ADAMTSL1: variants seen among roughly 807,000 people sequenced by gnomAD.
ADAMTSL1 encodes ADAMTS like 1.
A neutral mutation model predicts 201.8 loss-of-function variants in ADAMTSL1; 126 were observed. The ratio of observed to expected loss-of-function variants is 0.62; its 90% confidence interval spans 0.54 to 0.72. ADAMTSL1 has a LOEUF of 0.72. Among genes scored for constraint, ADAMTSL1 ranks in the 30% least tolerant of loss-of-function variants. ADAMTSL1 has a pLI of 0.00. For synonymous variants in ADAMTSL1, 1,121 were observed against 903.4 expected, an observed-to-expected ratio of 1.24 and a Z score of -4.32; for missense variants, 2,679 against 2,277.8, an observed-to-expected ratio of 1.18 and a Z score of -3.59.
chr9:18,023,576 C>T (rs563634916), intron 1 of ADAMTSL1, among the ~76,000 whole-genome samples: 4 of 152,218 alleles, frequency 2.6e-5, no homozygotes, highest in Non-Finnish European at 5.9e-5. Flanking sequence ...CTTACATTCC[C>T]GTGGATGGAG....
At chr9:18,049,499 C>T (rs1821824370) in intron 1 of ADAMTSL1, among the ~76,000 whole-genome samples, 1 of 152,144 alleles carries the variant, frequency 6.6e-6, no homozygotes, top group African/African-American at 2.4e-5. Context: ...GTTACACTGC[C>T]ATCTTATAAC....
intron 4 of ADAMTSL1, among the ~76,000 whole-genome samples, chr9:18,618,656 A>G (rs1049812343): frequency 6.6e-6 from 1 of 151,792 alleles, no homozygotes; most frequent in Non-Finnish European, 1.5e-5. Flanking sequence ...CTGCTCTGCC[A>G]TTCTGAGTAC....
intron 1 of ADAMTSL1, among the ~76,000 whole-genome samples, chr9:18,018,595 C>T (rs905470738): frequency 3.3e-5 from 5 of 151,944 alleles, no homozygotes; most frequent in Admixed American, 1.3e-4. Flanking sequence ...TAGAGATGCC[C>T]GTGTATTAAG....
At chr9:18,404,502 G>T (rs944198180) in intron 2 of ADAMTSL1, among the ~76,000 whole-genome samples, 1 of 152,234 alleles carries the variant, frequency 6.6e-6, no homozygotes, top group South Asian at 2.1e-4. Flanking sequence ...GCTCAAGTCA[G>T]CCTCTGAGGT....
At chr9:18,251,548 A>T (rs1831464951) in intron 2 of ADAMTSL1, among the ~76,000 whole-genome samples, 1 of 152,212 alleles carries the variant, frequency 6.6e-6, no homozygotes. Flanking sequence ...TTTTAATTAA[A>T]TTCATTTTCT....
intron 1 of ADAMTSL1, among the ~76,000 whole-genome samples, chr9:18,022,954 G>C (rs1484472067): frequency 6.6e-6 from 1 of 151,986 alleles, no homozygotes; most frequent in Non-Finnish European, 1.5e-5. Flanking sequence ...ACCTTGCTGG[G>C]TTTCTTTTCT....
At chr9:18,550,678 G>A (rs1169789950) in intron 3 of ADAMTSL1, among the ~76,000 whole-genome samples, 1 of 151,944 alleles carries the variant, frequency 6.6e-6, no homozygotes, top group Admixed American at 6.6e-5. Flanking sequence ...GACCCACTGA[G>A]CCATGCTTTA....
chr9:18,717,556 T>C (rs938362828), intron 14 of ADAMTSL1, among the ~76,000 whole-genome samples: 5 of 152,314 alleles, frequency 3.3e-5, no homozygotes, highest in African/African-American at 7.2e-5. Context: ...GTAGTCTACA[T>C]AGGAGCTCTT....
At chr9:18,423,263 G>GA (rs1160211172) in intron 2 of ADAMTSL1, among the ~76,000 whole-genome samples, 1 of 151,986 alleles carries the variant, frequency 6.6e-6, no homozygotes, top group Non-Finnish European at 1.5e-5. Flanking sequence ...GATAATAATG[G>GA]AAAAAAATCA....
chr9:18,791,709 AG>A (rs1214286975), intron 19 of ADAMTSL1, among the ~76,000 whole-genome samples: 1 of 152,214 alleles, frequency 6.6e-6, no homozygotes, highest in Non-Finnish European at 1.5e-5. Context: ...ACAATATTTA[AG>A]ACTGTTTTTA....
chr9:18,163,852 A>G (rs1467178086), intron 1 of ADAMTSL1: 2 of 151,962 alleles, frequency 1.3e-5, no homozygotes, highest in African/African-American at 4.8e-5. Flanking sequence ...CAGCTACCTT[A>G]TCTCTCTAGG....
rs1433809 is a variant in ADAMTSL1, at chr9:18,817,248, A to G, written c.3934+11A>G. ...ACTGCCAGGTTGCAGGTGAGAAATT[A>G]ATGTTCATTTGTTCACACGTTAATG... is the stretch of plus-strand genomic sequence containing the variant. On this transcript the variant is annotated intron_variant, in intron 21 of 28. Coordinates refer to ENST00000380548, the MANE Select transcript of ADAMTSL1 (RefSeq NM_001040272.6). 15 of 1,550,660 alleles carry G rather than the reference A, an allele frequency of 9.7e-6. No individual in the cohort carries two copies. The highest frequency in any genetic ancestry group is 1.3e-5 in the Non-Finnish European group (15 of 1,146,658).
At chr9:18,225,499 T>C (rs1289989444) in intron 2 of ADAMTSL1, among the ~76,000 whole-genome samples, 4 of 152,176 alleles carry the variant, frequency 2.6e-5, no homozygotes, top group African/African-American at 9.7e-5. Context: ...ATTTTTTAGA[T>C]ATATTTGTTA....
intron 2 of ADAMTSL1, among the ~76,000 whole-genome samples, chr9:18,356,604 AACACACACACACACACAC>A (rs67090987): frequency 7.0e-6 from 1 of 143,452 alleles, no homozygotes; most frequent in South Asian, 2.2e-4. Context: ...TACACAATAA[AACACACACACACACACAC>A]ACACACACAC....
chr9:18,866,681 G>C (rs1827560419), intron 23 of ADAMTSL1, among the ~76,000 whole-genome samples: 1 of 152,166 alleles, frequency 6.6e-6, no homozygotes, highest in African/African-American at 2.4e-5. Flanking sequence ...AGGAATGAGA[G>C]GCTATGTTAG....
At chr9:18,853,565 C>T (rs1826640293) in intron 23 of ADAMTSL1, among the ~76,000 whole-genome samples, 1 of 152,182 alleles carries the variant, frequency 6.6e-6, no homozygotes, top group African/African-American at 2.4e-5. Flanking sequence ...ATTCAGGCTC[C>T]TCTCATCCTC....
chr9:18,758,975 TA>T (rs1819918626), intron 16 of ADAMTSL1, among the ~76,000 whole-genome samples: 1 of 152,180 alleles, frequency 6.6e-6, no homozygotes, highest in African/African-American at 2.4e-5. Context: ...GTTTTTGTTC[TA>T]AAAATTAAAT....
At chr9:18,870,544 T>C (rs1827822668) in intron 23 of ADAMTSL1, among the ~76,000 whole-genome samples, 1 of 152,180 alleles carries the variant, frequency 6.6e-6, no homozygotes, top group South Asian at 2.1e-4. Context: ...ATTCATCGCC[T>C]TTGTTGCTCT....
chr9:18,259,604 C>T (rs1021420995), intron 2 of ADAMTSL1, among the ~76,000 whole-genome samples: 1 of 152,088 alleles, frequency 6.6e-6, no homozygotes. Flanking sequence ...GGACACAGCC[C>T]TCCTCTTTCT....
Sources: allele counts gnomAD v4.1 joint callset (sites outside exome capture counted in the v4.1 genomes callset), GRCh38; gene constraint gnomAD v4.1.1; transcripts MANE v1.5; gene names NCBI Gene and HGNC (gene_info 2026-07-23, HGNC 2026-07-21).